Variants in VPS53 observed in about 807,000 individuals in gnomAD.
VPS53 encodes VPS53 subunit of GARP complex.
A neutral mutation model predicts 107.0 loss-of-function variants in VPS53; 70 were observed. That is an observed-to-expected ratio of 0.65 (90% CI 0.54 to 0.80). VPS53 has a LOEUF of 0.80. Among genes scored for constraint, VPS53 ranks in the 30% least tolerant of loss-of-function variants. VPS53 has a pLI of 0.00. For missense variants in VPS53, 917 were observed against 1,049.4 expected (o/e 0.87, Z 1.74); for synonymous variants, 409 against 393.3 (o/e 1.04, Z -0.47).
intron 15 of VPS53, among the ~76,000 whole-genome samples, chr17:556,598 G>A (rs540603804): frequency 2.2e-4 from 34 of 152,328 alleles, no homozygotes; most frequent in Admixed American, 5.9e-4. Flanking sequence ...ACAGTGTTGA[G>A]AGGTATGAGG....
intron 4 of VPS53, among the ~76,000 whole-genome samples, chr17:666,707 CAA>C (rs956436826): frequency 1.7e-4 from 26 of 151,558 alleles, no homozygotes; most frequent in African/African-American, 6.3e-4. Flanking sequence ...ATCATGAGGT[CAA>C]GAGTTTGTGA....
chr17:526,833 G>A (rs1909157122), intron 19 of VPS53, among the ~76,000 whole-genome samples: 1 of 152,148 alleles, frequency 6.6e-6, no homozygotes, highest in South Asian at 2.1e-4. Flanking sequence ...AATTCTTGGG[G>A]ACATGATGAC....
intron 13 of VPS53, among the ~76,000 whole-genome samples, chr17:575,627 C>A (rs1219116690): frequency 6.6e-6 from 1 of 151,852 alleles, no homozygotes; most frequent in Non-Finnish European, 1.5e-5. Flanking sequence ...TCCCTCAGAA[C>A]CTAATGCATT....
chr17:579,368 C>A (rs551064081), intron 13 of VPS53, among the ~76,000 whole-genome samples: 1 of 151,692 alleles, frequency 6.6e-6, no homozygotes, highest in African/African-American at 2.4e-5. Context: ...TAATGCCTTC[C>A]CAGAGAACCT....
At chr17:581,702 C>T (rs936713541) in intron 13 of VPS53, among the ~76,000 whole-genome samples, 2 of 151,552 alleles carry the variant, frequency 1.3e-5, no homozygotes, top group African/African-American at 4.9e-5. Flanking sequence ...TTCCTCAGAA[C>T]CTAATGCGTT....
At chr17:560,626 G>A in intron 14 of VPS53, 53 bp from the exon 15 acceptor site, 1 of 1,587,668 alleles carries the variant, frequency 6.3e-7, no homozygotes, top group Non-Finnish European at 8.6e-7. Context: ...TTTGCTTCCT[G>A]AACTGGAAAC....
chr17:537,083 C>A lies in VPS53; in HGVS notation c.1960G>T (p.Asp654Tyr). 6 of 1,614,166 alleles carry A rather than the reference C, an allele frequency of 3.7e-6. No individual in the cohort carries two copies. Among genetic ancestry groups the A allele is most frequent in the Non-Finnish European group, 4.2e-6 (5 of 1,180,036 alleles). Reference protein sequence around the residue: ...HIKQNVPIIRDNLASTRKYFT... With the variant: ...HIKQNVPIIRYNLASTRKYFT... ...TACTTGCGTGTGGAAGCCAGGTTGT[C>A]ACGGATGATGGGGACGTTCTGCTTG... Residue 654 changes from aspartate (D) to tyrosine (Y), a missense_variant, in exon 18 of 22, where the codon GAC becomes TAC. Coordinates refer to ENST00000437048, the MANE Select transcript of VPS53 (RefSeq NM_001128159.3).
intron 4 of VPS53, among the ~76,000 whole-genome samples, chr17:684,799 A>G (rs1401994435): frequency 6.6e-6 from 1 of 152,058 alleles, no homozygotes; most frequent in East Asian, 1.9e-4. Flanking sequence ...CAGCCTGGCC[A>G]ACATAATTAA....
intron 6 of VPS53, among the ~76,000 whole-genome samples, chr17:655,007 A>G (rs1971128868): frequency 6.6e-6 from 1 of 152,172 alleles, no homozygotes; most frequent in Non-Finnish European, 1.5e-5. Flanking sequence ...AGAGGTCAGG[A>G]AGGGGCCCGC....
chr17:664,405 A>G (rs989991083), intron 4 of VPS53, among the ~76,000 whole-genome samples: 4 of 152,114 alleles, frequency 2.6e-5, no homozygotes, highest in Non-Finnish European at 4.4e-5. Context: ...CAGCAGAGAG[A>G]AAAGCAAATG....
chr17:670,545 C>CT (rs1417980594), intron 4 of VPS53, among the ~76,000 whole-genome samples: 1 of 152,102 alleles, frequency 6.6e-6, no homozygotes, highest in African/African-American at 2.4e-5. Context: ...TCTCTTTTTC[C>CT]TTTTTTTGCA....
At chr17:580,282 T>TCC (rs1966926901) in intron 13 of VPS53, among the ~76,000 whole-genome samples, 2 of 114,324 alleles carry the variant, frequency 1.7e-5, no homozygotes, top group South Asian at 3.1e-4. Context: ...CCCAGAGAAA[T>TCC]TCCCTCAGAA....
chr17:706,291 C>A (rs920061266), intron 2 of VPS53, among the ~76,000 whole-genome samples: 7 of 152,068 alleles, frequency 4.6e-5, no homozygotes, highest in Non-Finnish European at 1.0e-4. Context: ...GTAATCCCAG[C>A]ACTTTGGGAG....
At chr17:634,055 G>A (rs150988457) in intron 7 of VPS53, among the ~76,000 whole-genome samples, 75 of 152,308 alleles carry the variant, frequency 4.9e-4, no homozygotes, top group African/African-American at 1.8e-3. Flanking sequence ...AAGTCCAGCC[G>A]CTAGCCAGGG....
At position 553,444 on chromosome 17, in the gene VPS53, C is replaced by T. The variant is rs147780020; in HGVS notation, c.1723G>A (p.Glu575Lys). The T allele has an allele frequency of 6.2e-7, 1 of 1,613,868 alleles. No individual in the cohort carries two copies. The highest frequency in any genetic ancestry group is 1.3e-5 in the African/African-American group (1 of 75,010). Residue 575 changes from glutamate to lysine, a missense_variant, in exon 16 of 22, where the codon GAA (glutamate) becomes AAA (lysine). Transcript: ENST00000437048. ...TCAATCAGACTTACATCCACTTTTT[C>T]TTTGAGTTTTTCTTCTAGCTGTTGA... ...TTQQLEEKLKEKVDVSLIERI... is the reference protein window; with the variant it reads ...TTQQLEEKLKKKVDVSLIERI...
chr17:643,872 G>A (rs886452149), intron 7 of VPS53, among the ~76,000 whole-genome samples: 11 of 152,364 alleles, frequency 7.2e-5, no homozygotes, highest in Middle Eastern at 3.4e-3. Flanking sequence ...GGAGGCCCAG[G>A]AGGAACTTGT....
In VPS53 at chr17:524,970, T is replaced by C. The variant is rs778787202; in HGVS notation, c.2086-3232A>G. On this transcript the variant is annotated intron_variant, in intron 19 of 21. Coordinates refer to ENST00000437048, the MANE Select transcript of VPS53 (RefSeq NM_001128159.3). The surrounding 1 kb of genome is among the most constrained non-coding windows in gnomAD (Gnocchi z 4.5). ...TATCCATTAGAGGAATTCTTGCCCATGTAAAAACGTTCCCTGCATCCGCTA... is the reference window on the plus strand; with the variant it reads ...TATCCATTAGAGGAATTCTTGCCCACGTAAAAACGTTCCCTGCATCCGCTA... Among the ~76,000 whole-genome samples, 1 of 150,734 alleles carries C rather than the reference T, an allele frequency of 6.6e-6. No homozygotes were observed. The highest frequency in any genetic ancestry group is 1.5e-5 in the Non-Finnish European group (1 of 67,082).
intron 17 of VPS53, 130 bp from the exon 18 acceptor site, chr17:537,306 C>T: frequency 1.8e-6 from 2 of 1,086,772 alleles, no homozygotes; most frequent in East Asian, 2.6e-5. Flanking sequence ...GCCCTTTTGT[C>T]CTGGGGAGTT....
chr17:555,573 G>A (rs1912268523), intron 15 of VPS53, among the ~76,000 whole-genome samples: 1 of 152,142 alleles, frequency 6.6e-6, no homozygotes. Context: ...GACCTCAGGT[G>A]ATCCACCCAC....
Sources: gnomAD v4.1 joint callset for allele counts (sites outside exome capture counted in the v4.1 genomes callset) on GRCh38, gnomAD v4.1.1 for gene constraint, Gnocchi (gnomAD v3.1) non-coding constraint, MANE v1.5 for transcripts, NCBI Gene and HGNC (gene_info 2026-07-23, HGNC 2026-07-21) for gene names.